The following PTPRD variants were observed in gnomAD, a reference collection of about 807,000 sequenced individuals.
PTPRD encodes receptor-type tyrosine-protein phosphatase delta.
In PTPRD, 34 loss-of-function variants were observed where a neutral mutation model predicts 214.5. That is an observed-to-expected ratio of 0.16 (90% CI 0.12 to 0.21). The LOEUF (loss-of-function observed/expected upper bound fraction) is 0.21. Among genes scored for constraint, PTPRD ranks in the 10% least tolerant of loss-of-function variants. The pLI is 1.00. For missense variants in PTPRD, 2,545 were observed against 2,398.7 expected, an observed-to-expected ratio of 1.06 and a Z score of -1.27; for synonymous variants, 1,128 against 845.7, an observed-to-expected ratio of 1.33 and a Z score of -5.79.
intron 11 of PTPRD, among the ~76,000 whole-genome samples, chr9:8,854,209 T>C (rs1443178824): frequency 6.6e-6 from 1 of 152,164 alleles, no homozygotes; most frequent in African/African-American, 2.4e-5. Flanking sequence ...ATTTTAAGTG[T>C]AAACCTAAGT....
At chr9:10,002,022 A>C (rs977743043) in intron 4 of PTPRD, among the ~76,000 whole-genome samples, 3 of 152,034 alleles carry the variant, frequency 2.0e-5, no homozygotes, top group East Asian at 1.9e-4. Context: ...ATGTTAATAC[A>C]AAAGGGAAGC....
chr9:8,975,097 CAAAA>C (rs35644783), intron 11 of PTPRD, among the ~76,000 whole-genome samples: 1 of 116,436 alleles, frequency 8.6e-6, no homozygotes, highest in Non-Finnish European at 1.8e-5. Context: ...AACTCTGTCT[CAAAA>C]AAAAAAAAAA....
chr9:8,458,143 T>A (rs1214615576), intron 33 of PTPRD, among the ~76,000 whole-genome samples: 1 of 152,138 alleles, frequency 6.6e-6, no homozygotes, highest in African/African-American at 2.4e-5. Context: ...AGACGATGCT[T>A]ACATAGGCCC....
chr9:8,832,100 GTATA>G (rs1049491908), intron 11 of PTPRD, among the ~76,000 whole-genome samples: 1 of 110,602 alleles, frequency 9.0e-6, no homozygotes, highest in African/African-American at 4.3e-5. Context: ...ATATGTATGT[GTATA>G]TGTGTGTGTG....
chr9:10,366,763 C>A (rs958004575), intron 2 of PTPRD, among the ~76,000 whole-genome samples: 1 of 152,132 alleles, frequency 6.6e-6, no homozygotes, highest in Non-Finnish European at 1.5e-5. Context: ...TTGCCACGTA[C>A]TTGCTCCATG....
intron 3 of PTPRD, among the ~76,000 whole-genome samples, chr9:10,209,970 A>T (rs2099508160): frequency 6.6e-6 from 1 of 152,172 alleles, no homozygotes; most frequent in African/African-American, 2.4e-5. Context: ...AGTACCAAGA[A>T]TCAATGTAAC....
chr9:8,496,201 C>CACACAA (rs1395546487), intron 26 of PTPRD, among the ~76,000 whole-genome samples: 9 of 142,710 alleles, frequency 6.3e-5, no homozygotes, highest in African/African-American at 2.3e-4. Flanking sequence ...CACACACACA[C>CACACAA]ACACACACAA....
intron 8 of PTPRD, among the ~76,000 whole-genome samples, chr9:9,422,671 G>A (rs10759069): frequency 0.81 from 122,557 of 152,068 alleles, 49,515 homozygotes; most frequent in Non-Finnish European, 0.81. Context: ...AGAGCTTTCT[G>A]CACTGTCAAA....
chr9:9,026,175 A>C (rs2099586455), intron 10 of PTPRD, among the ~76,000 whole-genome samples: 1 of 151,818 alleles, frequency 6.6e-6, no homozygotes, highest in Non-Finnish European at 1.5e-5. Flanking sequence ...TAACAAAAGA[A>C]AGAACAGCCA....
At chr9:10,436,095 G>A (rs2098715223) in intron 2 of PTPRD, among the ~76,000 whole-genome samples, 1 of 151,784 alleles carries the variant, frequency 6.6e-6, no homozygotes, top group South Asian at 2.1e-4. Flanking sequence ...CATTTGTCAA[G>A]TTTCTTAGAA....
intron 19 of PTPRD, 21 bp downstream of exon 19, chr9:8,523,492 A>G (rs1564053971): frequency 5.0e-6 from 8 of 1,612,518 alleles, no homozygotes; most frequent in Non-Finnish European, 4.2e-6. Flanking sequence ...AAGGTGGGTA[A>G]AAAGTAAAAA....
chr9:10,103,398 T>TATATATATATATATATATAC (rs1416027194), intron 3 of PTPRD, among the ~76,000 whole-genome samples: 1 of 143,144 alleles, frequency 7.0e-6, no homozygotes, highest in Non-Finnish European at 1.5e-5. Context: ...TATATATTTA[T>TATATATATATATATATATAC]TTAAGAGCAT....
chr9:9,389,256 A>T (rs1282101017), intron 9 of PTPRD, among the ~76,000 whole-genome samples: 2 of 152,220 alleles, frequency 1.3e-5, no homozygotes, highest in African/African-American at 4.8e-5. Flanking sequence ...CACGCCTGTA[A>T]TTCCACCACC....
chr9:8,924,668 A>G (rs937662411), intron 11 of PTPRD, among the ~76,000 whole-genome samples: 2 of 152,080 alleles, frequency 1.3e-5, no homozygotes, highest in Non-Finnish European at 2.9e-5. Context: ...TTCTACTTGC[A>G]GAACTGATCT....
intron 4 of PTPRD, among the ~76,000 whole-genome samples, chr9:9,993,321 G>C (rs1031070112): frequency 3.3e-5 from 5 of 152,092 alleles, no homozygotes; most frequent in African/African-American, 9.7e-5. Flanking sequence ...AAGAGCAAAC[G>C]ATAAACATGT....
At chr9:10,468,411 A>G (rs1223347389) in intron 2 of PTPRD, among the ~76,000 whole-genome samples, 6 of 152,142 alleles carry the variant, frequency 3.9e-5, no homozygotes, top group African/African-American at 1.4e-4. Flanking sequence ...TAGAAAACCA[A>G]ACACCATATG....
intron 7 of PTPRD, among the ~76,000 whole-genome samples, chr9:9,695,225 T>G (rs2097350900): frequency 6.6e-6 from 1 of 152,184 alleles, no homozygotes; most frequent in Non-Finnish European, 1.5e-5. Flanking sequence ...GGTTCCATTT[T>G]GGCCCAGAGT....
At position 9,488,336 on chromosome 9, in the gene PTPRD, G is replaced by C. The variant is rs73641307; in HGVS notation, c.-237+86396C>G. Among the ~76,000 whole-genome samples the C allele has an allele frequency of 4.8e-3, 727 of 152,210 alleles. 3 individuals carry two copies. Among genetic ancestry groups the C allele is most frequent in the African/African-American group, 0.016 (645 of 41,562 alleles). The stretch of plus-strand genomic sequence containing the variant: ...TTAGTGGTCTACAATTTCTTTTGCT[G>C]CTTTTCATCAAGAGGCCTAATTAGA... On this transcript the variant is annotated intron_variant, in intron 8 of 45. Coordinates refer to ENST00000381196, the MANE Select transcript of PTPRD (RefSeq NM_002839.4).
At chr9:8,341,404 G>C in intron 40 of PTPRD, 136 bp from the exon 41 acceptor site, 1 of 975,206 alleles carries the variant, frequency 1.0e-6, no homozygotes, top group Non-Finnish European at 1.5e-6. Flanking sequence ...TATTCAAATT[G>C]TACTGCTTTT....
Sources: allele counts gnomAD v4.1 joint callset (sites outside exome capture counted in the v4.1 genomes callset), GRCh38; gene constraint gnomAD v4.1.1; transcripts MANE v1.5; gene names NCBI Gene and HGNC (gene_info 2026-07-23, HGNC 2026-07-21).